UBE2QL1: variants seen among roughly 807,000 people sequenced by gnomAD.
UBE2QL1 encodes the protein ubiquitin-conjugating enzyme E2Q-like protein 1.
Under a neutral mutation model 12.6 loss-of-function variants are expected in UBE2QL1, and 5 were observed. That is an observed-to-expected ratio of 0.40 (90% CI 0.21 to 0.83). The LOEUF is 0.83. UBE2QL1 is among the 40% of genes least tolerant of loss of function. UBE2QL1 has a pLI of 0.37. For synonymous variants in UBE2QL1, 96 were observed against 94.5 expected, an observed-to-expected ratio of 1.02 and a Z score of -0.10; for missense variants, 99 against 222.6, an observed-to-expected ratio of 0.44 and a Z score of 3.53.
chr5:6,450,800 G>A (rs533188822), intron 1 of UBE2QL1, among the ~76,000 whole-genome samples: 4 of 152,310 alleles, frequency 2.6e-5, no homozygotes, highest in African/African-American at 9.6e-5. Flanking sequence ...GTTAGAAATA[G>A]CATAGGTGTA....
chr5:6,461,092 A>G (rs890784073), intron 1 of UBE2QL1, among the ~76,000 whole-genome samples: 14 of 152,212 alleles, frequency 9.2e-5, no homozygotes, highest in African/African-American at 3.1e-4. Flanking sequence ...TCCTTTCTTT[A>G]GTAGAATTTA....
chr5:6,459,601 T>C (rs1403930422), intron 1 of UBE2QL1, among the ~76,000 whole-genome samples: 1 of 152,258 alleles, frequency 6.6e-6, no homozygotes, highest in Non-Finnish European at 1.5e-5. Context: ...AAGCCAATTA[T>C]ATTTAAATAC....
At chr5:6,463,649 G>A (rs1435087796) in intron 1 of UBE2QL1, among the ~76,000 whole-genome samples, 5 of 125,740 alleles carry the variant, frequency 4.0e-5, no homozygotes, top group African/African-American at 1.5e-4. Flanking sequence ...TATTTTTGAT[G>A]CGGAGTCTTG....
At chr5:6,465,392 C>T (rs368367346) in intron 1 of UBE2QL1, among the ~76,000 whole-genome samples, 3 of 152,204 alleles carry the variant, frequency 2.0e-5, no homozygotes, top group East Asian at 1.9e-4. Flanking sequence ...TTTTCTTAAA[C>T]TTTGTCTTAA....
intron 1 of UBE2QL1, among the ~76,000 whole-genome samples, chr5:6,465,185 C>T (rs1739760430): frequency 3.3e-5 from 5 of 152,068 alleles, no homozygotes; most frequent in Admixed American, 3.3e-4. Context: ...TGGGGTTTCA[C>T]CACATTGGCC....
chr5:6,491,525 G>C lies in UBE2QL1; in HGVS notation c.*176G>C. 1 of 763,852 alleles carries C rather than the reference G, an allele frequency of 1.3e-6. No homozygotes were observed. Among genetic ancestry groups the C allele is most frequent in the African/African-American group, 1.8e-5 (1 of 56,470 alleles). 47.3% of individuals were successfully genotyped at this position (763,852 alleles called of 1,614,324 possible). On this transcript the variant is annotated 3_prime_UTR_variant, in exon 2 of 2. Transcript: ENST00000399816. ...AGATGTGTGTACAGAGAGGAAGAGG[G>C]AGCAAATGCCGTTCGGATTATGTTT...
At position 6,476,519 on chromosome 5, in the gene UBE2QL1, T is replaced by C. The variant is rs1279062850; in HGVS notation, c.355-14699T>C. 6.6e-6 allele frequency among the ~76,000 whole-genome samples: 1 copy of C among 152,096 alleles called. No homozygotes were observed. The highest frequency in any genetic ancestry group is 1.5e-5 in the Non-Finnish European group (1 of 68,020). ...GTGCTGTCCTGACTCAATGAGACAA[T>C]GACCTCAAAACGGAAACACCTGGGG... On this transcript the variant is annotated intron_variant, in intron 1 of 1. Transcript: ENST00000399816. The surrounding 1 kb of genome is among the most constrained non-coding windows in gnomAD (Gnocchi z 4.9).
intron 1 of UBE2QL1, among the ~76,000 whole-genome samples, chr5:6,453,719 AC>A (rs1739457365): frequency 6.9e-6 from 1 of 145,236 alleles, no homozygotes; most frequent in African/African-American, 2.4e-5. Context: ...GCACACACAC[AC>A]ACACACACAC....
chr5:6,469,221 C>T (rs1033041118), intron 1 of UBE2QL1, among the ~76,000 whole-genome samples: 1 of 152,146 alleles, frequency 6.6e-6, no homozygotes, highest in African/African-American at 2.4e-5. Context: ...TGTCCAGATG[C>T]ACAGCTGGGC....
chr5:6,454,602 G>A (rs894857510), intron 1 of UBE2QL1, among the ~76,000 whole-genome samples: 1 of 152,168 alleles, frequency 6.6e-6, no homozygotes, highest in African/African-American at 2.4e-5. Context: ...TGCAACTGCT[G>A]TGCTAGTTTG....
intron 1 of UBE2QL1, among the ~76,000 whole-genome samples, chr5:6,450,935 G>C (rs1403438951): frequency 2.6e-5 from 4 of 152,208 alleles, no homozygotes; most frequent in Admixed American, 2.0e-4. Context: ...GCAAGCATGG[G>C]GGGTAGGGGA....
At chr5:6,471,722 G>A (rs565819844) in intron 1 of UBE2QL1, among the ~76,000 whole-genome samples, 28 of 152,330 alleles carry the variant, frequency 1.8e-4, no homozygotes, top group African/African-American at 5.8e-4. Flanking sequence ...GCCAGGAATC[G>A]GAAATCCTTT....
At chr5:6,455,577 G>C (rs1739504115) in intron 1 of UBE2QL1, among the ~76,000 whole-genome samples, 2 of 152,268 alleles carry the variant, frequency 1.3e-5, no homozygotes, top group Non-Finnish European at 2.9e-5. Flanking sequence ...GGAGTGTGCA[G>C]ATTATTTCAG....
rs147726610 is a variant in UBE2QL1 at position 6,461,034 on chromosome 5, G to A, written c.354+11787G>A. ...AGTACAACTGAAAGAGAATTTCCCT[G>A]TAGTCAATTACATGGATCCTTTCTA... On this transcript the variant is annotated intron_variant, in intron 1 of 1. Coordinates refer to ENST00000399816, the MANE Select transcript of UBE2QL1 (RefSeq NM_001145161.3). 2.6e-5 allele frequency among the ~76,000 whole-genome samples: 4 copies of A among 152,286 alleles called. No homozygotes were observed. The East Asian group carries it at 7.7e-4, about 29-fold the overall frequency.
rs1734653168 is a variant in UBE2QL1 at position 6,495,607 on chromosome 5, A to G, written c.*4258A>G. 6.6e-6 allele frequency among the ~76,000 whole-genome samples: 1 copy of G among 152,200 alleles called. No individual in the cohort carries two copies. Among genetic ancestry groups the G allele is most frequent in the Non-Finnish European group, 1.5e-5 (1 of 68,032 alleles). ...CTTCACCCCATCATTGAATCAGTAC[A>G]GTTGCAAGTCTTCCAAGCCAGCTGA... On this transcript the variant is annotated 3_prime_UTR_variant, in exon 2 of 2. Transcript: ENST00000399816.
At chr5:6,486,763 T>G (rs10071072) in intron 1 of UBE2QL1, among the ~76,000 whole-genome samples, 42,463 of 152,132 alleles carry the variant, frequency 0.28, 10,150 homozygotes, top group African/African-American at 0.65. Flanking sequence ...ACACACCAGT[T>G]GTTCTCAATC....
chr5:6,468,123 C>A (rs1739835453), intron 1 of UBE2QL1, among the ~76,000 whole-genome samples: 1 of 152,154 alleles, frequency 6.6e-6, no homozygotes, highest in South Asian at 2.1e-4. Flanking sequence ...CTATAAACCT[C>A]CCCCGTCCCT....
In UBE2QL1 at chr5:6,492,340, C is replaced by T. The variant is rs1327557303; in HGVS notation, c.*991C>T. 6.6e-6 allele frequency: 1 copy of T among 152,236 alleles called. No individual in the cohort carries two copies. 9.4% of individuals were successfully genotyped at this position (152,236 alleles called of 1,614,324 possible). ...CATACGATGATTTGCATGATCGGGTCTATTTCACCCAATAGTCACTTGTGT... is the reference window on the plus strand; with the variant it reads ...CATACGATGATTTGCATGATCGGGTTTATTTCACCCAATAGTCACTTGTGT... On this transcript the variant is annotated 3_prime_UTR_variant, in exon 2 of 2. Transcript: ENST00000399816.
Position 6,476,173 on chromosome 5 carries a change from G to A in UBE2QL1, c.355-15045G>A, listed in dbSNP as rs192388783. On this transcript the variant is annotated intron_variant, in intron 1 of 1. Coordinates refer to ENST00000399816, the MANE Select transcript of UBE2QL1 (RefSeq NM_001145161.3). The surrounding 1 kb of genome is among the most constrained non-coding windows in gnomAD (Gnocchi z 4.9). ...TGGGGCTCCCTTATTCCTAGGAGGC[G>A]GGGCCTGAGCAGGGAGGGGGTGGGG... is the stretch of plus-strand genomic sequence containing the variant. Among the ~76,000 whole-genome samples the A allele has an allele frequency of 1.2e-4, 19 of 152,066 alleles. No homozygotes were observed. The highest frequency in any genetic ancestry group is 3.9e-4 in the African/African-American group (16 of 41,474).
Sources: allele counts gnomAD v4.1 joint callset (sites outside exome capture counted in the v4.1 genomes callset), GRCh38; gene constraint gnomAD v4.1.1; non-coding constraint Gnocchi (gnomAD v3.1); transcripts MANE v1.5; gene names NCBI Gene and HGNC (gene_info 2026-07-23, HGNC 2026-07-21).